The following RBMS3 variants were observed in gnomAD, a reference collection of about 807,000 sequenced individuals.
The protein encoded by RBMS3 is RNA binding motif single stranded interacting protein 3.
Under a neutral mutation model 66.8 loss-of-function variants are expected in RBMS3, and 27 were observed. The observed-to-expected ratio is 0.40, with a 90% CI of 0.30 to 0.56. RBMS3 has a LOEUF of 0.56. Among genes scored for constraint, RBMS3 ranks in the 20% least tolerant of loss-of-function variants. The pLI, the probability that RBMS3 is intolerant of heterozygous loss-of-function variation, is 0.40. For missense variants in RBMS3, 513 were observed against 549.5 expected, an observed-to-expected ratio of 0.93 and a Z score of 0.66; for synonymous variants, 188 against 183.0, an observed-to-expected ratio of 1.03 and a Z score of -0.22.
intron 1 of RBMS3, among the ~76,000 whole-genome samples, chr3:29,389,915 G>A (rs67057298): frequency 0.17 from 26,556 of 152,044 alleles, 2,965 homozygotes; most frequent in East Asian, 0.56. Flanking sequence ...AATGGGGCGG[G>A]GGCTCCTGGT....
chr3:29,717,559 G>T (rs1395707305), intron 4 of RBMS3, among the ~76,000 whole-genome samples: 1 of 151,820 alleles, frequency 6.6e-6, no homozygotes, highest in African/African-American at 2.4e-5. Context: ...TATATGAATT[G>T]GTATCTTTTA....
At chr3:29,615,459 G>A (rs541614612) in intron 4 of RBMS3, among the ~76,000 whole-genome samples, 1 of 148,344 alleles carries the variant, frequency 6.7e-6, no homozygotes, top group Non-Finnish European at 1.5e-5. Context: ...GAAGGACTTG[G>A]ACTACAGTTA....
rs903669700 is a variant in RBMS3, at chr3:29,294,095, T to C, written c.75+12339T>C. 5.3e-5 allele frequency among the ~76,000 whole-genome samples: 8 copies of C among 151,922 alleles called. 2 individuals are homozygous for C. Among genetic ancestry groups the C allele is most frequent in the East Asian group, 1.9e-4 (1 of 5,130 alleles). On this transcript the variant is annotated intron_variant, in intron 1 of 14. Coordinates refer to ENST00000383767, the MANE Select transcript of RBMS3 (RefSeq NM_001003793.3). ...GTTTTGATCTCTGAATGCCCTGCAA[T>C]GTATAGTATGGTGTATGATGCAGAT...
At chr3:29,433,509 A>C (rs1397506386) in intron 1 of RBMS3, among the ~76,000 whole-genome samples, 1 of 152,182 alleles carries the variant, frequency 6.6e-6, no homozygotes, top group East Asian at 1.9e-4. Flanking sequence ...ACACTTATTA[A>C]TTTCTAGGAA....
chr3:29,714,023 C>A (rs2053284160), intron 4 of RBMS3, among the ~76,000 whole-genome samples: 1 of 152,058 alleles, frequency 6.6e-6, no homozygotes, highest in Non-Finnish European at 1.5e-5. Flanking sequence ...CCACTGTACT[C>A]CAGCCTGGGC....
intron 6 of RBMS3, among the ~76,000 whole-genome samples, chr3:29,849,054 T>C (rs1244513197): frequency 1.3e-5 from 2 of 152,302 alleles, no homozygotes; most frequent in East Asian, 3.9e-4. Context: ...TTTTTTTCTT[T>C]AATACTACTA....
chr3:29,320,323 C>G (rs993196780), intron 1 of RBMS3, among the ~76,000 whole-genome samples: 1 of 151,918 alleles, frequency 6.6e-6, no homozygotes, highest in Non-Finnish European at 1.5e-5. Flanking sequence ...TATTGTAACT[C>G]TTAAATATCA....
chr3:29,374,757 T>C (rs1167227131), intron 1 of RBMS3, among the ~76,000 whole-genome samples: 2 of 152,242 alleles, frequency 1.3e-5, no homozygotes, highest in Non-Finnish European at 2.9e-5. Context: ...GCAGCAACTG[T>C]ATTTGAATAA....
intron 1 of RBMS3, among the ~76,000 whole-genome samples, chr3:29,285,733 G>T (rs1243385865): frequency 6.6e-6 from 1 of 152,128 alleles, no homozygotes; most frequent in Non-Finnish European, 1.5e-5. Flanking sequence ...TCAACCATCT[G>T]CAGCCACCCG....
chr3:29,414,926 A>G (rs1004523436), intron 1 of RBMS3, among the ~76,000 whole-genome samples: 12 of 152,148 alleles, frequency 7.9e-5, no homozygotes, highest in African/African-American at 2.2e-4. Context: ...AGGTCATTCT[A>G]AAATGTAGCC....
intron 4 of RBMS3, among the ~76,000 whole-genome samples, chr3:29,722,952 C>T (rs1275360780): frequency 6.6e-6 from 1 of 151,850 alleles, no homozygotes; most frequent in East Asian, 1.9e-4. Flanking sequence ...TCCTATCAGA[C>T]TTTTACTCAC....
At chr3:29,998,018 C>G (rs1169033493) in intron 14 of RBMS3, among the ~76,000 whole-genome samples, 1 of 152,148 alleles carries the variant, frequency 6.6e-6, no homozygotes, top group African/African-American at 2.4e-5. Flanking sequence ...ATCTAGAAAA[C>G]CCCATCATCT....
intron 12 of RBMS3, among the ~76,000 whole-genome samples, chr3:29,975,711 A>T (rs1697539011): frequency 6.6e-6 from 1 of 151,972 alleles, no homozygotes; most frequent in African/African-American, 2.4e-5. Flanking sequence ...GCAATATGAC[A>T]CTAAGCACAC....
chr3:29,291,269 C>T (rs1335681263), intron 1 of RBMS3, among the ~76,000 whole-genome samples: 1 of 151,924 alleles, frequency 6.6e-6, no homozygotes, highest in African/African-American at 2.4e-5. Flanking sequence ...ATCTAAAAAG[C>T]TGGCCATATC....
intron 4 of RBMS3, among the ~76,000 whole-genome samples, chr3:29,611,906 G>T (rs1399367078): frequency 1.3e-5 from 2 of 151,874 alleles, no homozygotes; most frequent in Non-Finnish European, 2.9e-5. Flanking sequence ...AAACACAAAT[G>T]TATCCTCCCC....
chr3:29,691,131 T>C (rs1227762297), intron 4 of RBMS3, among the ~76,000 whole-genome samples: 3 of 152,196 alleles, frequency 2.0e-5, no homozygotes, highest in Non-Finnish European at 2.9e-5. Context: ...AGATATTGTA[T>C]AAATATGCCA....
intron 12 of RBMS3, among the ~76,000 whole-genome samples, chr3:29,981,823 G>A (rs1698016065): frequency 6.6e-6 from 1 of 152,168 alleles, no homozygotes; most frequent in African/African-American, 2.4e-5. Context: ...GCTGGATTCA[G>A]TTTGCCAGTA....
At chr3:29,972,151 C>T (rs1211102847) in intron 12 of RBMS3, among the ~76,000 whole-genome samples, 1 of 152,006 alleles carries the variant, frequency 6.6e-6, no homozygotes, top group East Asian at 1.9e-4. Flanking sequence ...GACTCTGGCA[C>T]CAGAGGGTCG....
At chr3:29,929,601 T>C (rs76902481) in intron 10 of RBMS3, among the ~76,000 whole-genome samples, 96 of 146,396 alleles carry the variant, frequency 6.6e-4, no homozygotes, top group Non-Finnish European at 1.2e-3. Context: ...TAAAAAAAAA[T>C]ACTTCCAGTT....
Sources: gnomAD v4.1 joint callset for allele counts (sites outside exome capture counted in the v4.1 genomes callset) on GRCh38, gnomAD v4.1.1 for gene constraint, MANE v1.5 for transcripts, NCBI Gene and HGNC (gene_info 2026-07-23, HGNC 2026-07-21) for gene names.